CCDC141: variants seen among roughly 807,000 people sequenced by gnomAD.
CCDC141 encodes coiled-coil domain containing 141, also known as coiled-coil domain-containing protein 141.
A neutral mutation model predicts 181.0 loss-of-function variants in CCDC141; 168 were observed. That is an observed-to-expected ratio of 0.93 (90% CI 0.82 to 1.05). The LOEUF is 1.05. Among genes scored for constraint, CCDC141 ranks in the 50% least tolerant of loss-of-function variants. The pLI, the probability that CCDC141 is intolerant of heterozygous loss-of-function variation, is 0.00. For missense variants in CCDC141, 1,902 were observed against 1,788.5 expected (o/e 1.06, Z -1.14); for synonymous variants, 666 against 642.3 (o/e 1.04, Z -0.56).
At chr2:178,821,552 A>G in the CCDC141 span, among the ~76,000 whole-genome samples, 1 of 152,348 alleles carries the variant, frequency 6.6e-6, no homozygotes, top group East Asian at 1.9e-4. Flanking sequence ...TTGCACCATA[A>G]TTCACAGGCA....
At chr2:178,829,732 T>G (rs1446782654), downstream of CCDC141, 2 of 152,246 alleles carry the variant, frequency 1.3e-5, no homozygotes, top group Non-Finnish European at 2.9e-5. Flanking sequence ...TGCCTTGGCA[T>G]TTACATTGAC....
intron 7 of CCDC141, among the ~76,000 whole-genome samples, chr2:178,907,782 T>G (rs1048211015): frequency 3.3e-5 from 5 of 151,892 alleles, no homozygotes; most frequent in Non-Finnish European, 5.9e-5. Context: ...TCACTTGAGG[T>G]CAGGAGTTCA....
chr2:179,032,270 T>C (rs1003028033), intron 2 of CCDC141, among the ~76,000 whole-genome samples: 12 of 152,272 alleles, frequency 7.9e-5, no homozygotes, highest in Middle Eastern at 3.4e-3. Flanking sequence ...TCTGGGACCA[T>C]TGATCTTCTG....
Position 178,836,895 on chromosome 2 carries a change from A to G in CCDC141, c.4324T>C (p.Trp1442Arg), listed in dbSNP as rs1156989340. The G allele has an allele frequency of 6.2e-7, 1 of 1,601,160 alleles. No homozygotes were observed. The highest frequency in any genetic ancestry group is 2.2e-5 in the East Asian group (1 of 44,786). ...GGCTTGTCATTATAGGCTACCCACC[A>G]TGTCAGTGTAGGCTCTGGAAATCCT... ...VTGFPEPTLT[W>R]YKKGQKLSAD... Residue 1442 changes from tryptophan (W) to arginine (R), a missense_variant and splice_region_variant, in exon 23 of 24, where the codon TGG (tryptophan) becomes CGG (arginine). Trp to Arg is a moderately radical substitution (Grantham distance 101). Coordinates refer to ENST00000443758, the MANE Select transcript of CCDC141 (RefSeq NM_173648.4).
intron 6 of CCDC141, among the ~76,000 whole-genome samples, chr2:178,929,366 G>T (rs1470276460): frequency 6.6e-6 from 1 of 152,076 alleles, no homozygotes; most frequent in Non-Finnish European, 1.5e-5. Context: ...ATGCAGCAAT[G>T]AGAAGAAAAT....
At chr2:178,826,251 A>G (rs1280162435), downstream of CCDC141, among the ~76,000 whole-genome samples, 3 of 152,168 alleles carry the variant, frequency 2.0e-5, no homozygotes, top group Non-Finnish European at 4.4e-5. Flanking sequence ...GTGAATTTTG[A>G]AAGAGCCGTA....
In CCDC141 at chr2:178,986,720, G is replaced by T. The variant is rs1480226268; in HGVS notation, c.226-8045C>A. On this transcript the variant is annotated intron_variant, in intron 2 of 23. Coordinates refer to ENST00000443758, the MANE Select transcript of CCDC141 (RefSeq NM_173648.4). ...CATGAGTGAACTCCCATTCACAATT[G>T]CTTCAAAGAGAATAAAATACCTAGG... Among the ~76,000 whole-genome samples the T allele has an allele frequency of 5.9e-5, 9 of 151,966 alleles. No homozygotes were observed. In the East Asian group the frequency reaches 1.5e-3, roughly 26 times the overall value.
rs10649193 is a variant in CCDC141, at chr2:178,945,853, G to GCACACACACA, written c.781-1212_781-1203dup. On this transcript the variant is annotated intron_variant, in intron 5 of 23. Coordinates refer to ENST00000443758, the MANE Select transcript of CCDC141 (RefSeq NM_173648.4). ...CAATAAATGCACATGACACATGCGT[G>GCACACACACA]CACACACACACACACACACACACAT... 4.6e-3 allele frequency among the ~76,000 whole-genome samples: 682 copies of GCACACACACA among 149,566 alleles called. 10 individuals are homozygous for GCACACACACA. Among genetic ancestry groups the GCACACACACA allele is most frequent in the African/African-American group, 0.014 (561 of 40,718 alleles).
chr2:178,816,124 A>G, the CCDC141 span, among the ~76,000 whole-genome samples: 1 of 152,218 alleles, frequency 6.6e-6, no homozygotes, highest in Admixed American at 6.5e-5. Flanking sequence ...GTTTAATGAC[A>G]TGTATCCACC....
chr2:178,836,831 G>A, intron 23 of CCDC141, 63 bp downstream of exon 23: 1 of 1,540,680 alleles, frequency 6.5e-7, no homozygotes, highest in East Asian at 2.2e-5. Context: ...AGTGCTCACA[G>A]AATGATTTTT....
the CCDC141 span, among the ~76,000 whole-genome samples, chr2:178,824,047 C>T: frequency 9.7e-4 from 129 of 133,656 alleles, no homozygotes; most frequent in Admixed American, 2.6e-3. Flanking sequence ...CATACAAGAA[C>T]TCATACAGAG....
intron 7 of CCDC141, among the ~76,000 whole-genome samples, chr2:178,905,874 T>C (rs1197159004): frequency 6.6e-6 from 1 of 152,266 alleles, no homozygotes; most frequent in East Asian, 1.9e-4. Flanking sequence ...TTTAAAAATA[T>C]TATACAGGCT....
At chr2:178,865,946 GA>G in intron 16 of CCDC141, 30 bp from the exon 17 acceptor site, 1 of 1,422,918 alleles carries the variant, frequency 7.0e-7, no homozygotes, top group Non-Finnish European at 9.3e-7. Flanking sequence ...GTAACAGAGA[GA>G]AAGGACGAAA....
intron 7 of CCDC141, among the ~76,000 whole-genome samples, chr2:178,911,370 A>G (rs767416397): frequency 1.9e-4 from 29 of 152,212 alleles, no homozygotes; most frequent in Non-Finnish European, 2.5e-4. Context: ...AAAAAAGCCA[A>G]TGCACAGGGA....
chr2:178,921,412 C>A (rs1022176693), intron 6 of CCDC141, among the ~76,000 whole-genome samples: 23 of 152,306 alleles, frequency 1.5e-4, no homozygotes, highest in African/African-American at 5.5e-4. Flanking sequence ...CAAATGTGTT[C>A]TTTATTTATG....
chr2:178,957,769 C>G (rs1221832245), intron 5 of CCDC141, among the ~76,000 whole-genome samples: 3 of 152,214 alleles, frequency 2.0e-5, no homozygotes, highest in African/African-American at 7.2e-5. Context: ...CTGTGTCACC[C>G]AGACTGGAGT....
chr2:178,821,409 T>G, the CCDC141 span, among the ~76,000 whole-genome samples: 2 of 152,198 alleles, frequency 1.3e-5, no homozygotes, highest in African/African-American at 4.8e-5. Flanking sequence ...GTTCTCTTGA[T>G]CATTTGGCCC....
chr2:178,981,995 A>G (rs1691436382), intron 2 of CCDC141, among the ~76,000 whole-genome samples: 1 of 152,070 alleles, frequency 6.6e-6, no homozygotes, highest in African/African-American at 2.4e-5. Flanking sequence ...TTAAAAGGAT[A>G]AAAAGGAATA....
intron 2 of CCDC141, among the ~76,000 whole-genome samples, chr2:179,041,656 G>C (rs1325476195): frequency 2.6e-5 from 4 of 151,964 alleles, no homozygotes; most frequent in Non-Finnish European, 5.9e-5. Flanking sequence ...TTGGTATGCT[G>C]TCTTTAAGAG....
Sources: allele counts gnomAD v4.1 joint callset (sites outside exome capture counted in the v4.1 genomes callset), GRCh38; gene constraint gnomAD v4.1.1; transcripts MANE v1.5; gene names NCBI Gene and HGNC (gene_info 2026-07-23, HGNC 2026-07-21).